Variants in ZNF462 observed in about 807,000 individuals in gnomAD.
ZNF462 encodes zinc finger protein 462, also known as zinc finger PBX1-interacting protein.
A neutral mutation model predicts 201.9 loss-of-function variants in ZNF462; 10 were observed. The ratio of observed to expected loss-of-function variants is 0.05; its 90% CI spans 0.03 to 0.08. ZNF462 has a LOEUF of 0.08. Among genes scored for constraint, ZNF462 ranks in the 10% least tolerant of loss-of-function variants. The pLI is 1.00. For synonymous variants in ZNF462, 1,227 were observed against 1,193.3 expected, an observed-to-expected ratio of 1.03 and a Z score of -0.58; for missense variants, 2,523 against 3,168.3, an observed-to-expected ratio of 0.80 and a Z score of 4.89.
At position 106,935,582 on chromosome 9, in the gene ZNF462, A is replaced by G; in HGVS notation, c.6196A>G (p.Asn2066Asp). ...ACTCTGCTCCTTCAAGTCCTCCTAT[A>G]ACAGCCGGCTGAAAACACATATACT... is the stretch of plus-strand genomic sequence containing the variant. The part of the protein sequence containing the change: ...CKLCSFKSSY[N>D]SRLKTHILKA... Residue 2066 changes from asparagine (N) to aspartate (D), a missense_variant, in exon 6 of 13, where the codon AAC becomes GAC. By Grantham distance (23) the Asn-to-Asp change is conservative (BLOSUM62 1). Around this residue, in one of 15 missense-constraint regions of ZNF462, gnomAD observed 138 missense variants for 146.3 expected, o/e 0.94. Coordinates refer to ENST00000277225, the MANE Select transcript of ZNF462 (RefSeq NM_021224.6). The surrounding 1 kb of genome is among the most constrained non-coding windows in gnomAD (Gnocchi z 4.1). 1 of 1,614,060 alleles carries G rather than the reference A, an allele frequency of 6.2e-7. No individual in the cohort carries two copies.
At chr9:106,995,064 C>A (rs1828601792) in intron 10 of ZNF462, among the ~76,000 whole-genome samples, 1 of 152,084 alleles carries the variant, frequency 6.6e-6, no homozygotes, top group Non-Finnish European at 1.5e-5. Context: ...AGCATCTTTT[C>A]CCTCTGTATT....
In ZNF462 at chr9:106,872,892, G is replaced by A. The variant is rs1827657732; in HGVS notation, c.-31+9537G>A. ...TGACTCATAGTTAATACTGGACAAC[G>A]GTTTTTATTTTTTTTTAACATTTAA... is the stretch of plus-strand genomic sequence containing the variant. On this transcript the variant is annotated intron_variant, in intron 1 of 12. Coordinates refer to ENST00000277225, the MANE Select transcript of ZNF462 (RefSeq NM_021224.6). The surrounding 1 kb of genome is among the most constrained non-coding windows in gnomAD (Gnocchi z 4.5). Among the ~76,000 whole-genome samples, 1 of 152,094 alleles carries A rather than the reference G, an allele frequency of 6.6e-6. No homozygotes were observed. Among genetic ancestry groups the A allele is most frequent in the Non-Finnish European group, 1.5e-5 (1 of 68,018 alleles).
At chr9:106,918,616 C>CT (rs542136413) in intron 1 of ZNF462, among the ~76,000 whole-genome samples, 1 of 152,086 alleles carries the variant, frequency 6.6e-6, no homozygotes, top group Non-Finnish European at 1.5e-5. Flanking sequence ...TTACTAGTGC[C>CT]TTTTTAAAAA....
Position 106,932,264 on chromosome 9 carries a change from A to G in ZNF462, c.6013-182A>G. The G allele has an allele frequency of 6.4e-7, 1 of 1,550,872 alleles. No homozygotes were observed. The highest frequency in any genetic ancestry group is 1.4e-5 in the African/African-American group (1 of 73,166). On this transcript the variant is annotated intron_variant, in intron 4 of 12. Transcript: ENST00000277225. The surrounding 1 kb of genome is among the most constrained non-coding windows in gnomAD (Gnocchi z 6.8). ...TGTGTGTGTGTGTGGTTCTCTTAGCAGGAGGCGGATGACCCTGCCCACTTG... is the reference window on the plus strand; with the variant it reads ...TGTGTGTGTGTGTGGTTCTCTTAGCGGGAGGCGGATGACCCTGCCCACTTG...
At chr9:106,943,523 T>C (rs2131673052) in intron 7 of ZNF462, among the ~76,000 whole-genome samples, 1 of 152,296 alleles carries the variant, frequency 6.6e-6, no homozygotes, top group Middle Eastern at 3.4e-3. Flanking sequence ...TTTGTACTTC[T>C]ACTCACTTTC....
In ZNF462 at chr9:106,929,269, A is replaced by G; in HGVS notation, c.5357A>G (p.Tyr1786Cys). Reference protein sequence around the residue: ...SFSKKGIVSHYMKRHPGVFPK... With the variant: ...SFSKKGIVSHCMKRHPGVFPK... ...AGCAAGAAGGGCATCGTGTCCCATTACATGAAACGCCACCCAGGGGTGTTC... is the reference window on the plus strand; with the variant it reads ...AGCAAGAAGGGCATCGTGTCCCATTGCATGAAACGCCACCCAGGGGTGTTC... The change falls in exon 3 of 13, where the codon TAC (tyrosine) becomes TGC (cysteine). Residue 1786 changes from tyrosine (Y) to cysteine (C), a missense_variant. By Grantham distance (194) the Tyr-to-Cys change is radical (BLOSUM62 -2). Transcript: ENST00000277225. The surrounding 1 kb of genome is among the most constrained non-coding windows in gnomAD (Gnocchi z 8.7). The G allele has an allele frequency of 3.1e-6, 5 of 1,614,164 alleles. No homozygotes were observed. Among genetic ancestry groups the G allele is most frequent in the Non-Finnish European group, 4.2e-6 (5 of 1,180,028 alleles).
chr9:106,908,755 C>G (rs1234383757), intron 1 of ZNF462, among the ~76,000 whole-genome samples: 1 of 150,016 alleles, frequency 6.7e-6, no homozygotes, highest in Non-Finnish European at 1.5e-5. Context: ...TGAGTTCTTT[C>G]CTCTAGTAAT....
intron 1 of ZNF462, among the ~76,000 whole-genome samples, chr9:106,888,788 C>T (rs1828442686): frequency 6.6e-6 from 1 of 152,210 alleles, no homozygotes; most frequent in East Asian, 1.9e-4. Flanking sequence ...AGGTGGGCCA[C>T]CTTGGAGCTT....
intron 7 of ZNF462, among the ~76,000 whole-genome samples, chr9:106,953,669 A>G (rs146498159): frequency 2.0e-5 from 3 of 152,156 alleles, no homozygotes; most frequent in Non-Finnish European, 2.9e-5. Flanking sequence ...TTACAGATAT[A>G]TGAAGTCAAC....
chr9:106,924,007 C>A lies in ZNF462; in HGVS notation c.221-126C>A, dbSNP rs954065455. On this transcript the variant is annotated intron_variant, in intron 2 of 12. Transcript: ENST00000277225. This position sits in a 1 kb window ranked among gnomAD's most constrained non-coding sequence, Gnocchi z 6.2. ...TTGTGAATACTCTTCAAGGCCTCAT[C>A]TTGAGACTTCAGGCCTTTTGCATGT... The A allele has an allele frequency of 1.0e-5, 8 of 793,412 alleles. No individual in the cohort carries two copies. In the African/African-American group the frequency reaches 1.2e-4, roughly 12 times the overall value. The allele number at this position is 793,412 out of a possible 1,614,324, so 49.1% of individuals were successfully genotyped here.
In ZNF462 at chr9:106,950,963, G is replaced by A. The variant is rs1422839367; in HGVS notation, c.6427+11856G>A. 5.3e-5 allele frequency among the ~76,000 whole-genome samples: 8 copies of A among 151,866 alleles called. No homozygotes were observed. The highest frequency in any genetic ancestry group is 1.5e-4 in the African/African-American group (6 of 41,320). On this transcript the variant is annotated intron_variant, in intron 7 of 12. Transcript: ENST00000277225. The surrounding 1 kb of genome is among the most constrained non-coding windows in gnomAD (Gnocchi z 4.1). ...AAATTAGCCAGGCTTGGTGGCGAGCGCCTGTAATTCCAGCCACTCCGGAGG... is the reference window on the plus strand; with the variant it reads ...AAATTAGCCAGGCTTGGTGGCGAGCACCTGTAATTCCAGCCACTCCGGAGG...
At chr9:106,957,077 A>T (rs1831611837) in intron 7 of ZNF462, among the ~76,000 whole-genome samples, 2 of 152,164 alleles carry the variant, frequency 1.3e-5, no homozygotes, top group Admixed American at 6.5e-5. Context: ...TTGGCACAAG[A>T]GGCCTGGTTT....
At chr9:106,910,371 T>A (rs1479234627) in intron 1 of ZNF462, among the ~76,000 whole-genome samples, 2 of 132,806 alleles carry the variant, frequency 1.5e-5, no homozygotes, top group South Asian at 4.3e-4. Context: ...AGTTTTTTTT[T>A]TTTTTTTTTT....
intron 7 of ZNF462, among the ~76,000 whole-genome samples, chr9:106,943,059 CGTGTGTGTGTGT>C (rs3056311): frequency 2.8e-5 from 4 of 143,154 alleles, no homozygotes; most frequent in Non-Finnish European, 6.1e-5. Context: ...TTTGCGCGCG[CGTGTGTGTGTGT>C]GTGTGTGTGT....
intron 11 of ZNF462, among the ~76,000 whole-genome samples, chr9:107,004,292 A>G (rs765701086): frequency 6.6e-6 from 1 of 152,208 alleles, no homozygotes; most frequent in Non-Finnish European, 1.5e-5. Flanking sequence ...GAATAGTACT[A>G]GTTGCCATTA....
intron 7 of ZNF462, among the ~76,000 whole-genome samples, chr9:106,943,328 T>C (rs1382567598): frequency 6.6e-6 from 1 of 152,186 alleles, no homozygotes; most frequent in African/African-American, 2.4e-5. Context: ...ACAAACACTA[T>C]TTTTATCAAG....
rs1035536544 is a variant in ZNF462, at chr9:106,886,413, C to T, written c.-31+23058C>T. Among the ~76,000 whole-genome samples the T allele has an allele frequency of 3.3e-5, 5 of 152,160 alleles. No homozygotes were observed. Among genetic ancestry groups the T allele is most frequent in the African/African-American group, 7.2e-5 (3 of 41,442 alleles). On this transcript the variant is annotated intron_variant, in intron 1 of 12. Transcript: ENST00000277225. This position sits in a 1 kb window ranked among gnomAD's most constrained non-coding sequence, Gnocchi z 4.6. ...CCAACTCTCAGGATTCAAGCCACTGCATGTTGGCAATGTAGTAGATCCTGG... is the reference window on the plus strand; with the variant it reads ...CCAACTCTCAGGATTCAAGCCACTGTATGTTGGCAATGTAGTAGATCCTGG...
chr9:106,938,990 A>G lies in ZNF462; in HGVS notation c.6310A>G (p.Lys2104Glu). The G allele has an allele frequency of 6.2e-7, 1 of 1,613,778 alleles. No homozygotes were observed. The highest frequency in any genetic ancestry group is 8.5e-7 in the Non-Finnish European group (1 of 1,179,898). ...CAGCCAGCTGAAGGAACACTCCCTC[A>G]AGGTCCACGGAAAAGCCCTGACCCT... ...TISQLKEHSL[K>E]VHGKALTLPR... Residue 2104 changes from lysine (K) to glutamate (E), a missense_variant, in exon 7 of 13, where the codon AAG (lysine) becomes GAG (glutamate). Lys to Glu is a moderately conservative substitution (Grantham distance 56). Transcript: ENST00000277225. This position sits in a 1 kb window ranked among gnomAD's most constrained non-coding sequence, Gnocchi z 4.4.
At chr9:106,948,240 G>A (rs1416803078) in intron 7 of ZNF462, among the ~76,000 whole-genome samples, 1 of 151,528 alleles carries the variant, frequency 6.6e-6, no homozygotes, top group Admixed American at 6.6e-5. Flanking sequence ...GGAAGGAGAG[G>A]TAGAGCCAGA....
Sources: allele counts gnomAD v4.1 joint callset (sites outside exome capture counted in the v4.1 genomes callset), GRCh38; gene constraint gnomAD v4.1.1; regional missense constraint gnomAD v4.1.1; non-coding constraint Gnocchi (gnomAD v3.1); transcripts MANE v1.5; gene names NCBI Gene and HGNC (gene_info 2026-07-23, HGNC 2026-07-21).